Variants in MROH9 observed in about 807,000 individuals in gnomAD.
The protein encoded by MROH9 is maestro heat-like repeat-containing protein family member 9.
A neutral mutation model predicts 98.2 loss-of-function variants in MROH9; 92 were observed. The ratio of observed to expected loss-of-function variants is 0.94; its 90% CI spans 0.79 to 1.11. The LOEUF is 1.11. MROH9 is among the 50% of genes most tolerant of loss of function. The pLI is 0.00. For synonymous variants in MROH9, 397 were observed against 368.9 expected (o/e 1.08, Z -0.87); for missense variants, 1,057 against 1,014.8 (o/e 1.04, Z -0.57).
chr1:171,056,222 C>A lies in MROH9; in HGVS notation c.2282-5910C>A, dbSNP rs563199318. On this transcript the variant is annotated intron_variant, in intron 20 of 21. Transcript: ENST00000367759. ...CAGCAGCCAGCACTGGGACTCACAA[C>A]TGCCTAACATGTTAAGCTCCTTGGG... Among the ~76,000 whole-genome samples, 32 of 152,342 alleles carry A rather than the reference C, an allele frequency of 2.1e-4. 1 individual carries two copies. Among genetic ancestry groups the A allele is most frequent in the African/African-American group, 7.5e-4 (31 of 41,580 alleles).
At chr1:170,956,981 T>G (rs993807232) in intron 3 of MROH9, among the ~76,000 whole-genome samples, 80 of 150,884 alleles carry the variant, frequency 5.3e-4, no homozygotes, top group African/African-American at 1.9e-3. Flanking sequence ...AAAGTTTTAT[T>G]CAGGTCTTTT....
chr1:170,936,163 T>G (rs1385502340), intron 1 of MROH9, among the ~76,000 whole-genome samples: 1 of 152,060 alleles, frequency 6.6e-6, no homozygotes, highest in African/African-American at 2.4e-5. Context: ...AAACCACAAC[T>G]ATATAGATAA....
intron 6 of MROH9, among the ~76,000 whole-genome samples, chr1:170,964,851 A>T (rs951508615): frequency 6.6e-6 from 1 of 152,236 alleles, no homozygotes; most frequent in African/African-American, 2.4e-5. Context: ...GCAGCTGGTA[A>T]TCATGTCATA....
chr1:171,054,646 A>G (rs1164366316), intron 20 of MROH9, among the ~76,000 whole-genome samples: 1 of 152,164 alleles, frequency 6.6e-6, no homozygotes, highest in Non-Finnish European at 1.5e-5. Flanking sequence ...TCTACAAGGA[A>G]CTCAAATCAG....
At chr1:170,985,012 T>C (rs966513561) in intron 9 of MROH9, among the ~76,000 whole-genome samples, 2 of 152,132 alleles carry the variant, frequency 1.3e-5, no homozygotes, top group Non-Finnish European at 2.9e-5. Context: ...GAGGGCTGGA[T>C]TGAAAAACAA....
At chr1:170,948,005 C>CT (rs1443966618) in intron 3 of MROH9, among the ~76,000 whole-genome samples, 1 of 151,872 alleles carries the variant, frequency 6.6e-6, no homozygotes, top group Non-Finnish European at 1.5e-5. Context: ...TAGTTTGTGT[C>CT]TTTCCTTTTC....
At chr1:170,945,068 T>C (rs925222325) in intron 1 of MROH9, among the ~76,000 whole-genome samples, 1 of 151,786 alleles carries the variant, frequency 6.6e-6, no homozygotes, top group Non-Finnish European at 1.5e-5. Context: ...AAGTCAGAGA[T>C]TGGTAGTGTG....
Position 171,016,311 on chromosome 1 carries a change from C to T in MROH9, c.1883C>T (p.Ser628Phe), listed in dbSNP as rs1652326475. Residue 628 changes from serine (S) to phenylalanine (F), a missense_variant, in exon 17 of 22, where the codon TCC becomes TTC. Transcript: ENST00000367759. ...TACTCTTTGGGTACCAGAATTGGTT[C>T]CAGCTACTGTACTCTGATGGATCAT... ...VTYSLGTRIG[S>F]SYCTLMDHIN... 11 of 1,532,716 alleles carry T rather than the reference C, an allele frequency of 7.2e-6. No homozygotes were observed. In the South Asian group the frequency reaches 1.4e-4, roughly 19 times the overall value. 94.9% of individuals were successfully genotyped at this position (1,532,716 alleles called of 1,614,324 possible).
chr1:171,061,088 A>C (rs1269124761), intron 20 of MROH9, among the ~76,000 whole-genome samples: 2 of 152,212 alleles, frequency 1.3e-5, no homozygotes, highest in Non-Finnish European at 2.9e-5. Flanking sequence ...ATTTCACAAA[A>C]GAAGACATCC....
At chr1:171,056,874 A>T (rs999689675) in intron 20 of MROH9, among the ~76,000 whole-genome samples, 1 of 152,192 alleles carries the variant, frequency 6.6e-6, no homozygotes, top group Non-Finnish European at 1.5e-5. Flanking sequence ...CCTACAGAAA[A>T]GGGACCTGAC....
chr1:170,977,218 T>A (rs1469277620), intron 8 of MROH9, among the ~76,000 whole-genome samples: 1 of 152,232 alleles, frequency 6.6e-6, no homozygotes, highest in Non-Finnish European at 1.5e-5. Context: ...CCTAGCCATA[T>A]TCTGAATTAT....
At chr1:171,026,780 C>T (rs1014760029) in intron 20 of MROH9, among the ~76,000 whole-genome samples, 3 of 152,008 alleles carry the variant, frequency 2.0e-5, no homozygotes, top group Admixed American at 6.6e-5. Context: ...GAAAATATGT[C>T]GATAGAGCAG....
At chr1:171,050,674 A>C (rs546533180) in intron 20 of MROH9, among the ~76,000 whole-genome samples, 3 of 152,144 alleles carry the variant, frequency 2.0e-5, no homozygotes, top group African/African-American at 7.2e-5. Flanking sequence ...CTCTTGTCTG[A>C]TTGCTCTAGT....
At chr1:170,957,521 T>G (rs962545770) in intron 3 of MROH9, among the ~76,000 whole-genome samples, 1 of 152,214 alleles carries the variant, frequency 6.6e-6, no homozygotes, top group Non-Finnish European at 1.5e-5. Context: ...TTTCATTCAA[T>G]TTGTCTATGA....
intron 1 of MROH9, among the ~76,000 whole-genome samples, chr1:170,937,190 T>C (rs1338087559): frequency 6.6e-6 from 1 of 152,230 alleles, no homozygotes; most frequent in East Asian, 1.9e-4. Context: ...CTTTAATTTC[T>C]TTTAATTCCT....
chr1:170,958,396 A>G, intron 3 of MROH9, 65 bp from the exon 4 acceptor site: 2 of 922,406 alleles, frequency 2.2e-6, no homozygotes, highest in Non-Finnish European at 3.3e-6. Flanking sequence ...ACATGCTATT[A>G]TGAGTCTCAC....
At chr1:171,014,861 C>T (rs1249452819) in intron 16 of MROH9, 1 of 414,956 alleles carries the variant, frequency 2.4e-6, no homozygotes, top group Admixed American at 2.8e-5. Context: ...TGAGGCCCCA[C>T]CCCCGTCCTA....
intron 20 of MROH9, among the ~76,000 whole-genome samples, chr1:171,036,732 A>G (rs1557908240): frequency 6.6e-6 from 1 of 151,634 alleles, no homozygotes; most frequent in African/African-American, 2.4e-5. Context: ...AAAAATAAAA[A>G]TAAATAAATA....
rs1447165676 is a variant in MROH9, at chr1:171,064,116, C to T, written c.2362C>T (p.Arg788Ter). Reference protein sequence around the residue: ...VMLDVIERLLRDEDPMIKQLA... With the variant: ...VMLDVIERLL The stretch of plus-strand genomic sequence containing the variant: ...TATTACAGTTATTGAACGACTGCTC[C>T]GAGATGAAGACCCTATGATCAAACA... The change falls in exon 22 of 22, where the codon CGA becomes TGA. Residue 788 changes from arginine (R) to a stop codon, truncating the protein, a stop_gained. Transcript: ENST00000367759. LOFTEE classifies it low-confidence loss of function (END_TRUNC). The T allele has an allele frequency of 7.1e-6, 11 of 1,539,952 alleles. No individual in the cohort carries two copies. Among genetic ancestry groups the T allele is most frequent in the South Asian group, 1.2e-5 (1 of 81,172 alleles).
Sources: gnomAD v4.1 joint callset for allele counts (sites outside exome capture counted in the v4.1 genomes callset) on GRCh38, gnomAD v4.1.1 for gene constraint, MANE v1.5 for transcripts, NCBI Gene and HGNC (gene_info 2026-07-23, HGNC 2026-07-21) for gene names.